Variants in IFI16 observed in about 807,000 individuals in gnomAD.
IFI16 encodes interferon gamma inducible protein 16.
Under a neutral mutation model 68.4 loss-of-function variants are expected in IFI16, and 49 were observed. The ratio of observed to expected loss-of-function variants is 0.72; its 90% CI spans 0.57 to 0.91. IFI16 has a LOEUF of 0.91. Among genes scored for constraint, IFI16 ranks in the 40% least tolerant of loss-of-function variants. IFI16 has a pLI of 0.00. For synonymous variants in IFI16, 307 were observed against 315.0 expected (o/e 0.97, Z 0.27); for missense variants, 878 against 942.9 (o/e 0.93, Z 0.90).
chr1:159,031,416 A>G (rs1285911204), intron 6 of IFI16, among the ~76,000 whole-genome samples: 2 of 152,120 alleles, frequency 1.3e-5, no homozygotes, highest in Admixed American at 6.5e-5. Context: ...TCCCTGTGGT[A>G]TTTCCCCAAT....
intron 5 of IFI16, 41 bp downstream of exon 5, chr1:159,018,692 A>G: frequency 5.8e-6 from 8 of 1,374,688 alleles, no homozygotes; most frequent in Non-Finnish European, 8.1e-6. Flanking sequence ...TTCCACCAAC[A>G]CCTGAAATTA....
In IFI16 at chr1:159,049,350, A is replaced by G. The variant is rs931600533; in HGVS notation, c.1498-82A>G. On this transcript the variant is annotated intron_variant, in intron 8 of 11. Transcript: ENST00000295809. ...GGCAAAGTGAACATCCTATTTAAAA[A>G]AGAAAAAAGGAAAAGATGTGTTTCA... 3.9e-4 allele frequency: 280 copies of G among 727,242 alleles called. 1 individual carries two copies. Among genetic ancestry groups the G allele is most frequent in the Non-Finnish European group, 5.8e-4 (259 of 449,778 alleles). The allele number at this position is 727,242 out of a possible 1,614,324, so 45.0% of individuals were successfully genotyped here.
intron 6 of IFI16, among the ~76,000 whole-genome samples, chr1:159,025,117 T>C (rs1426796595): frequency 1.3e-5 from 2 of 152,140 alleles, no homozygotes; most frequent in Admixed American, 1.3e-4. Flanking sequence ...GAAAAGAAAG[T>C]GGAAAATAAG....
chr1:159,011,104 G>A (rs947641382), intron 1 of IFI16, among the ~76,000 whole-genome samples: 22 of 151,606 alleles, frequency 1.5e-4, no homozygotes, highest in Non-Finnish European at 1.0e-4. Flanking sequence ...TTTTTTGGCC[G>A]GGCACAGAGG....
At chr1:159,013,109 C>A (rs1191370422) in intron 1 of IFI16, among the ~76,000 whole-genome samples, 1 of 147,772 alleles carries the variant, frequency 6.8e-6, no homozygotes, top group Non-Finnish European at 1.5e-5. Flanking sequence ...ATTTTCCCTT[C>A]ATTCTCTGGA....
chr1:159,045,882 T>C (rs375921231), intron 8 of IFI16, among the ~76,000 whole-genome samples: 2 of 151,196 alleles, frequency 1.3e-5, no homozygotes, highest in East Asian at 1.9e-4. Context: ...GCAAAAATAA[T>C]TAATTTTTAA....
chr1:159,017,458 A>AT (rs879407022), intron 4 of IFI16, among the ~76,000 whole-genome samples: 53 of 147,864 alleles, frequency 3.6e-4, no homozygotes, highest in African/African-American at 7.7e-4. Context: ...ACCATTTTTC[A>AT]TTTTTTTTTT....
In IFI16 at chr1:159,054,880, T is replaced by G; in HGVS notation, c.2337T>G (p.Thr779=). The G allele has an allele frequency of 6.3e-7, 1 of 1,593,806 alleles. No homozygotes were observed. The highest frequency in any genetic ancestry group is 8.6e-7 in the Non-Finnish European group (1 of 1,163,640). ...TCAATCCTGATTCAAGTATGGAAACTTCACCAGACTTTTTCTTCTAAAATC... is the reference window on the plus strand; with the variant it reads ...TCAATCCTGATTCAAGTATGGAAACGTCACCAGACTTTTTCTTCTAAAATC... ...DILNPDSSME[T]SPDFFF is the part of the protein sequence containing the mutation. Residue 779 remains threonine, a synonymous_variant, in exon 12 of 12, where the codon ACT becomes ACG. Transcript: ENST00000295809.
intron 6 of IFI16, among the ~76,000 whole-genome samples, chr1:159,027,253 C>G (rs1653726539): frequency 6.6e-6 from 1 of 152,012 alleles, no homozygotes; most frequent in Non-Finnish European, 1.5e-5. Context: ...TGGATTTTGT[C>G]AAATGCTTTT....
At chr1:159,030,381 T>C (rs1653928821) in intron 6 of IFI16, among the ~76,000 whole-genome samples, 1 of 152,198 alleles carries the variant, frequency 6.6e-6, no homozygotes, top group African/African-American at 2.4e-5. Flanking sequence ...TGTTTTGACA[T>C]ATTACCAGGA....
At position 159,042,640 on chromosome 1, in the gene IFI16, A is replaced by C. The variant is rs373682949; in HGVS notation, c.1330-2657A>C. Among the ~76,000 whole-genome samples, 15 of 152,194 alleles carry C rather than the reference A, an allele frequency of 9.9e-5. 1 individual carries two copies. Among genetic ancestry groups the C allele is most frequent in the Admixed American group, 6.5e-4 (10 of 15,294 alleles). ...ATACCCTCCTCCCAGAATAGATCAT[A>C]TTTTCTCATTGTTTGCCTTCATAGG... On this transcript the variant is annotated intron_variant, in intron 7 of 11. Transcript: ENST00000295809.
chr1:159,025,076 T>A (rs1653569954), intron 6 of IFI16, among the ~76,000 whole-genome samples: 1 of 152,148 alleles, frequency 6.6e-6, no homozygotes, highest in African/African-American at 2.4e-5. Context: ...CTAGGGGTGG[T>A]ACCTGTGCTA....
chr1:159,028,392 A>T (rs1359677792), intron 6 of IFI16, among the ~76,000 whole-genome samples: 1 of 149,960 alleles, frequency 6.7e-6, no homozygotes, highest in African/African-American at 2.5e-5. Context: ...TATAATTTCA[A>T]TTTTTTTTTT....
chr1:159,012,564 A>G (rs1652635956), intron 1 of IFI16, among the ~76,000 whole-genome samples: 2 of 152,232 alleles, frequency 1.3e-5, no homozygotes, highest in Admixed American at 6.5e-5. Flanking sequence ...ACTTGTTGGA[A>G]ACAAGTGCTC....
chr1:159,012,934 A>G (rs1281144739), intron 1 of IFI16, among the ~76,000 whole-genome samples: 3 of 152,218 alleles, frequency 2.0e-5, no homozygotes, highest in African/African-American at 7.2e-5. Context: ...CCAACATTAT[A>G]TAAAAATAAC....
At chr1:159,038,914 G>C (rs1178100932) in intron 7 of IFI16, among the ~76,000 whole-genome samples, 2 of 152,166 alleles carry the variant, frequency 1.3e-5, no homozygotes, top group African/African-American at 4.8e-5. Context: ...CCAGCAAAGG[G>C]AGGATCAGTA....
intron 7 of IFI16, among the ~76,000 whole-genome samples, chr1:159,037,724 TCAATG>T (rs1654409231): frequency 7.1e-6 from 1 of 141,246 alleles, no homozygotes; most frequent in African/African-American, 2.5e-5. Context: ...GACAGTTTTA[TCAATG>T]CTATTAGGCT....
rs538039553 is a variant in IFI16, at chr1:159,032,357, A to C, written c.1162-167A>C. 53 of 421,018 alleles carry C rather than the reference A, an allele frequency of 1.3e-4. No homozygotes were observed. The Admixed American group carries it at 2.2e-3, about 17-fold the overall frequency. 26.1% of individuals were successfully genotyped at this position (421,018 alleles called of 1,614,324 possible). ...GTACTTGATCATTCCACATTTTAGC[A>C]AAAAAAATATTCTGACAATTGCCTG... On this transcript the variant is annotated intron_variant, in intron 6 of 11. Coordinates refer to ENST00000295809, the MANE Select transcript of IFI16 (RefSeq NM_001376587.1).
At chr1:159,034,636 C>T (rs1415549737) in intron 7 of IFI16, among the ~76,000 whole-genome samples, 1 of 152,166 alleles carries the variant, frequency 6.6e-6, no homozygotes, top group African/African-American at 2.4e-5. Context: ...CCCAACTCTC[C>T]ACAGGCCCCA....
Sources: allele counts gnomAD v4.1 joint callset (sites outside exome capture counted in the v4.1 genomes callset), GRCh38; gene constraint gnomAD v4.1.1; transcripts MANE v1.5; gene names NCBI Gene and HGNC (gene_info 2026-07-23, HGNC 2026-07-21).